PRDM16: variants seen among roughly 807,000 people sequenced by gnomAD.
PRDM16 encodes histone-lysine N-methyltransferase PRDM16.
Under a neutral mutation model 110.6 loss-of-function variants are expected in PRDM16, and 23 were observed. That is an observed-to-expected ratio of 0.21 (90% CI 0.15 to 0.29). PRDM16 has a LOEUF of 0.29. Among genes scored for constraint, PRDM16 ranks in the 10% least tolerant of loss-of-function variants. The probability of loss-of-function intolerance (pLI) is 1.00; values close to 1 mark genes in which losing one functional copy is unlikely to be tolerated. For missense variants in PRDM16, 1,615 were observed against 1,794.3 expected (o/e 0.90, Z 1.81); for synonymous variants, 799 against 781.8 (o/e 1.02, Z -0.37).
rs1033585048 is a variant in PRDM16, at chr1:3,245,499, C to T, written c.438+1362C>T. The stretch of plus-strand genomic sequence containing the variant: ...GGCCCGCAGTGACCCGCTGAAGGGC[C>T]TCCGGAAACTGGGTGAACTGGTTCC... On this transcript the variant is annotated intron_variant, in intron 3 of 16. Transcript: ENST00000270722. This position sits in a 1 kb window ranked among gnomAD's most constrained non-coding sequence, Gnocchi z 4.7. Among the ~76,000 whole-genome samples, 4 of 152,058 alleles carry T rather than the reference C, an allele frequency of 2.6e-5. No homozygotes were observed. The highest frequency in any genetic ancestry group is 1.3e-4 in the Admixed American group (2 of 15,278).
rs1252001671 is a variant in PRDM16, at chr1:3,243,495, G to T, written c.388-592G>T. On this transcript the variant is annotated intron_variant, in intron 2 of 16. Transcript: ENST00000270722. This position sits in a 1 kb window ranked among gnomAD's most constrained non-coding sequence, Gnocchi z 5.5. ...CTGCCCCTGCCTCTGGCCGCCCGCC[G>T]CTGTCTCCTGGGACCGCTGGGCAGA... Among the ~76,000 whole-genome samples the T allele has an allele frequency of 2.6e-5, 4 of 152,068 alleles. No individual in the cohort carries two copies. Among genetic ancestry groups the T allele is most frequent in the Non-Finnish European group, 5.9e-5 (4 of 68,024 alleles).
chr1:3,212,287 G>T (rs1638904298), intron 2 of PRDM16, among the ~76,000 whole-genome samples: 1 of 152,180 alleles, frequency 6.6e-6, no homozygotes, highest in South Asian at 2.1e-4. Context: ...CTCCTCATTT[G>T]TCCCCGCTGG....
intron 3 of PRDM16, among the ~76,000 whole-genome samples, chr1:3,248,427 C>T (rs1639844372): frequency 6.6e-6 from 1 of 152,188 alleles, no homozygotes; most frequent in Non-Finnish European, 1.5e-5. Context: ...TCTTCCCCTC[C>T]GCTTCTCTAT....
chr1:3,169,101 GA>G (rs1205250327), intron 1 of PRDM16, among the ~76,000 whole-genome samples: 5 of 152,212 alleles, frequency 3.3e-5, no homozygotes, highest in Non-Finnish European at 5.9e-5. Context: ...CCTCTACTTG[GA>G]AGGCTTGTGA....
At chr1:3,130,798 T>G (rs905524771) in intron 1 of PRDM16, among the ~76,000 whole-genome samples, 2 of 33,748 alleles carry the variant, frequency 5.9e-5, no homozygotes, top group Non-Finnish European at 4.5e-5. Flanking sequence ...GGGGGGGCTG[T>G]TTTTTTTTTT....
chr1:3,336,070 A>G (rs189189502), intron 3 of PRDM16, among the ~76,000 whole-genome samples: 78 of 152,232 alleles, frequency 5.1e-4, no homozygotes, highest in African/African-American at 1.6e-3. Context: ...CAGAACCCCA[A>G]TCTCCACAGC....
At chr1:3,431,868 C>A in intron 15 of PRDM16, 98 bp from the exon 16 acceptor site, 2 of 1,210,690 alleles carry the variant, frequency 1.7e-6, no homozygotes, top group Non-Finnish European at 2.4e-6. Flanking sequence ...GATGCAGCGG[C>A]GTGCATGCAG....
At chr1:3,242,641 T>C (rs1029025979) in intron 2 of PRDM16, among the ~76,000 whole-genome samples, 1 of 152,204 alleles carries the variant, frequency 6.6e-6, no homozygotes, top group Non-Finnish European at 1.5e-5. Flanking sequence ...CCATTCACAT[T>C]AGCGCAGGGT....
At chr1:3,171,549 G>A (rs1644025751) in intron 1 of PRDM16, among the ~76,000 whole-genome samples, 1 of 152,158 alleles carries the variant, frequency 6.6e-6, no homozygotes, top group African/African-American at 2.4e-5. Context: ...TCTGCCCTCG[G>A]TATCCCACTT....
intron 2 of PRDM16, among the ~76,000 whole-genome samples, chr1:3,236,941 C>T (rs530604447): frequency 1.3e-5 from 2 of 152,314 alleles, no homozygotes; most frequent in Admixed American, 6.5e-5. Context: ...CCTGGGCAGC[C>T]TCCTTCTCTG....
In PRDM16 at chr1:3,190,982, C is replaced by T. The variant is rs1336464715; in HGVS notation, c.387+4508C>T. Reference sequence around the variant, plus strand: ...TCCTGCAGCTTGGGGCCTGCTGGGGCGGGATCCCGCAGGACCCCCAGGGGA... The same window carrying T: ...TCCTGCAGCTTGGGGCCTGCTGGGGTGGGATCCCGCAGGACCCCCAGGGGA... On this transcript the variant is annotated intron_variant, in intron 2 of 16. Coordinates refer to ENST00000270722, the MANE Select transcript of PRDM16 (RefSeq NM_022114.4). This position sits in a 1 kb window ranked among gnomAD's most constrained non-coding sequence, Gnocchi z 5.0. 2.0e-5 allele frequency among the ~76,000 whole-genome samples: 3 copies of T among 152,074 alleles called. No individual in the cohort carries two copies. The highest frequency in any genetic ancestry group is 2.1e-4 in the South Asian group (1 of 4,818).
intron 2 of PRDM16, among the ~76,000 whole-genome samples, chr1:3,212,618 AGGTCCTCCCGCTCATCCTC>A (rs1638917266): frequency 1.2e-4 from 15 of 122,624 alleles, no homozygotes; most frequent in African/African-American, 5.1e-4. Flanking sequence ...CCCCTCGCTG[AGGTCCTCCCGCTCATCCTC>A]CCGGCCCCCT....
At chr1:3,401,695 G>A (rs113599944) in intron 5 of PRDM16, among the ~76,000 whole-genome samples, 44 of 152,098 alleles carry the variant, frequency 2.9e-4, no homozygotes, top group Non-Finnish European at 3.8e-4. Flanking sequence ...CCACCCATGC[G>A]CACGAACATA....
Position 3,157,145 on chromosome 1 carries a change from C to G in PRDM16, c.38-28980C>G, listed in dbSNP as rs1643865332. On this transcript the variant is annotated intron_variant, in intron 1 of 16. Transcript: ENST00000270722. This position sits in a 1 kb window ranked among gnomAD's most constrained non-coding sequence, Gnocchi z 4.8. Reference sequence around the variant, plus strand: ...AGTGTTAGCACCTGCCGGGCTCAGCCTGGGCGGCTCAGAGGGCGGGACCTG... The same window carrying G: ...AGTGTTAGCACCTGCCGGGCTCAGCGTGGGCGGCTCAGAGGGCGGGACCTG... Among the ~76,000 whole-genome samples the G allele has an allele frequency of 6.6e-6, 1 of 152,156 alleles. No individual in the cohort carries two copies. The highest frequency in any genetic ancestry group is 2.1e-4 in the South Asian group (1 of 4,830).
At chr1:3,233,212 C>A (rs1461997184) in intron 2 of PRDM16, among the ~76,000 whole-genome samples, 1 of 152,258 alleles carries the variant, frequency 6.6e-6, no homozygotes, top group South Asian at 2.1e-4. Context: ...GTGGGGGTGG[C>A]CGGTGGCCGC....
intron 1 of PRDM16, among the ~76,000 whole-genome samples, chr1:3,117,965 A>T (rs1642998358): frequency 6.6e-6 from 1 of 152,078 alleles, no homozygotes. Context: ...GTGTGCATGC[A>T]TGCTCATGCT....
In PRDM16 at chr1:3,213,727, C is replaced by G. The variant is rs1220314833; in HGVS notation, c.387+27253C>G. On this transcript the variant is annotated intron_variant, in intron 2 of 16. Transcript: ENST00000270722. This position sits in a 1 kb window ranked among gnomAD's most constrained non-coding sequence, Gnocchi z 5.3. ...CTGGCCCAGGAGGTTCTGCTCTCCC[C>G]AGGCAAGGAAGCGGGGTTTCCGGGA... 1.3e-5 allele frequency among the ~76,000 whole-genome samples: 2 copies of G among 152,112 alleles called. No homozygotes were observed. Among genetic ancestry groups the G allele is most frequent in the African/African-American group, 4.8e-5 (2 of 41,406 alleles).
At chr1:3,145,261 C>T (rs895353624) in intron 1 of PRDM16, among the ~76,000 whole-genome samples, 14 of 152,248 alleles carry the variant, frequency 9.2e-5, no homozygotes, top group South Asian at 6.2e-4. Flanking sequence ...GCATGCGGCA[C>T]GGTGTCAGTT....
In PRDM16 at chr1:3,404,897, G is replaced by A. The variant is rs764361854; in HGVS notation, c.1032+11G>A. The A allele has an allele frequency of 9.3e-6, 15 of 1,611,620 alleles. No homozygotes were observed. Among genetic ancestry groups the A allele is most frequent in the Non-Finnish European group, 1.2e-5 (14 of 1,179,402 alleles). On this transcript the variant is annotated intron_variant, in intron 7 of 16. Transcript: ENST00000270722. The stretch of plus-strand genomic sequence containing the variant: ...GAAAACTGCGTGAAGGTAACCTGCG[G>A]GGCGGCCCCGTCTCAGCCCCGGGGC...
Sources: allele counts gnomAD v4.1 joint callset (sites outside exome capture counted in the v4.1 genomes callset), GRCh38; gene constraint gnomAD v4.1.1; non-coding constraint Gnocchi (gnomAD v3.1); transcripts MANE v1.5; gene names NCBI Gene and HGNC (gene_info 2026-07-23, HGNC 2026-07-21).